The following NAV2 variants were observed in gnomAD, a reference collection of about 807,000 sequenced individuals.
NAV2 encodes the protein neuron navigator 2, also known as helicase, APC down-regulated 1.
In NAV2, 54 loss-of-function variants were observed where a neutral mutation model predicts 223.2. The observed-to-expected ratio is 0.24, with a 90% CI of 0.19 to 0.30. The LOEUF is 0.30. Ranked by LOEUF, NAV2 falls within the 10% of genes least tolerant of loss-of-function variation. The pLI is 1.00. For missense variants in NAV2, 2,806 were observed against 3,147.5 expected (o/e 0.89, Z 2.60); for synonymous variants, 1,279 against 1,239.3 (o/e 1.03, Z -0.67).
intron 1 of NAV2, among the ~76,000 whole-genome samples, chr11:19,686,794 A>T (rs1185925367): frequency 6.6e-6 from 1 of 152,212 alleles, no homozygotes; most frequent in Non-Finnish European, 1.5e-5. Context: ...TCTGGGTCTT[A>T]GTTTCCTCAC....
At chr11:19,597,821 G>C (rs576528766) in intron 1 of NAV2, among the ~76,000 whole-genome samples, 1 of 152,238 alleles carries the variant, frequency 6.6e-6, no homozygotes, top group Non-Finnish European at 1.5e-5. Context: ...AGAACTGCGA[G>C]TTTCACTGGG....
At chr11:19,633,341 G>T (rs2047398003) in intron 1 of NAV2, among the ~76,000 whole-genome samples, 1 of 152,258 alleles carries the variant, frequency 6.6e-6, no homozygotes, top group Admixed American at 6.5e-5. Flanking sequence ...AGACAGAGAG[G>T]GAGGTCCCTG....
intron 2 of NAV2, among the ~76,000 whole-genome samples, chr11:19,840,217 GT>G (rs2060437652): frequency 6.6e-6 from 1 of 152,088 alleles, no homozygotes; most frequent in East Asian, 1.9e-4. Flanking sequence ...CTTTAGAGTG[GT>G]TATATTTAGG....
intron 5 of NAV2, among the ~76,000 whole-genome samples, chr11:19,882,428 G>A (rs543912611): frequency 1.3e-5 from 2 of 152,324 alleles, no homozygotes; most frequent in South Asian, 2.1e-4. Flanking sequence ...AAGCCCAGGA[G>A]AGCAGGTATG....
intron 3 of NAV2, among the ~76,000 whole-genome samples, chr11:19,853,437 C>T (rs1309493678): frequency 2.0e-5 from 3 of 152,198 alleles, no homozygotes; most frequent in Admixed American, 2.0e-4. Context: ...CCACCTGCAG[C>T]CCAGGATGGC....
chr11:19,901,506 C>T (rs1380779819), intron 6 of NAV2, among the ~76,000 whole-genome samples: 6 of 152,198 alleles, frequency 3.9e-5, no homozygotes, highest in African/African-American at 1.2e-4. Flanking sequence ...GAGATCACAC[C>T]ACTGCACTTC....
chr11:20,114,532 CTG>C, intron 36 of NAV2, 58 bp from the exon 37 acceptor site: 2 of 1,531,980 alleles, frequency 1.3e-6, no homozygotes, highest in Non-Finnish European at 1.8e-6. Context: ...AGCTGCAAAA[CTG>C]GGGCTACGAG....
intron 1 of NAV2, among the ~76,000 whole-genome samples, chr11:19,556,127 T>C (rs1054024287): frequency 6.6e-5 from 10 of 152,210 alleles, no homozygotes; most frequent in African/African-American, 1.9e-4. Context: ...AAATGTTCAC[T>C]CTACCACTGC....
intron 1 of NAV2, among the ~76,000 whole-genome samples, chr11:19,805,157 A>G (rs1316021468): frequency 6.6e-6 from 1 of 152,198 alleles, no homozygotes; most frequent in Admixed American, 6.5e-5. Flanking sequence ...AGATTCTGAC[A>G]GGTCTTCCAA....
At chr11:19,351,651 G>A (rs1303926068) in intron 1 of NAV2, among the ~76,000 whole-genome samples, 1 of 152,106 alleles carries the variant, frequency 6.6e-6, no homozygotes, top group East Asian at 1.9e-4. Flanking sequence ...GTGGTTGGTT[G>A]TCTAGGAAGA....
At chr11:19,520,146 A>G (rs1472191605) in intron 1 of NAV2, among the ~76,000 whole-genome samples, 3 of 152,162 alleles carry the variant, frequency 2.0e-5, no homozygotes, top group Non-Finnish European at 4.4e-5. Context: ...ACTCTCCTCC[A>G]CGCTCAGGCA....
chr11:19,420,622 G>A (rs1850571278), intron 1 of NAV2, among the ~76,000 whole-genome samples: 1 of 152,170 alleles, frequency 6.6e-6, no homozygotes, highest in Non-Finnish European at 1.5e-5. Flanking sequence ...CAGACATAAT[G>A]TTGAACAAAA....
At chr11:20,064,523 G>C (rs1417739153) in intron 20 of NAV2, among the ~76,000 whole-genome samples, 2 of 152,172 alleles carry the variant, frequency 1.3e-5, no homozygotes, top group Non-Finnish European at 2.9e-5. Flanking sequence ...AGACTGGCCA[G>C]CATTATGCAG....
rs80007763 is a variant in NAV2 at position 19,385,907 on chromosome 11, G to A, written c.75+34880G>A. On this transcript the variant is annotated intron_variant, in intron 1 of 37. Coordinates refer to the NAV2 transcript ENST00000360655. ...CTCCCGAGTAGCTGGGACTACAGGC[G>A]CCCGCCACCATGCCTGGCTAATTTT... 3.9e-5 allele frequency among the ~76,000 whole-genome samples: 6 copies of A among 151,908 alleles called. No homozygotes were observed. In the East Asian group the frequency reaches 5.8e-4, roughly 15 times the overall value.
At chr11:19,778,752 C>G (rs2056496378) in intron 1 of NAV2, among the ~76,000 whole-genome samples, 1 of 152,172 alleles carries the variant, frequency 6.6e-6, no homozygotes, top group African/African-American at 2.4e-5. Flanking sequence ...TGCACCTTTG[C>G]TATACTATGT....
chr11:19,866,063 G>A (rs1037699223), intron 3 of NAV2, among the ~76,000 whole-genome samples: 2 of 152,188 alleles, frequency 1.3e-5, no homozygotes, highest in African/African-American at 2.4e-5. Context: ...TCTGTATCAC[G>A]TAATACTTGC....
At chr11:19,349,987 A>G (rs776828515), upstream of NAV2, among the ~76,000 whole-genome samples, 1 of 151,874 alleles carries the variant, frequency 6.6e-6, no homozygotes. Flanking sequence ...CCTGCCATAC[A>G]CTGCCTCCTG....
At chr11:19,348,855 G>A (rs193254543), upstream of NAV2, among the ~76,000 whole-genome samples, 2 of 152,272 alleles carry the variant, frequency 1.3e-5, no homozygotes, top group East Asian at 1.9e-4. Context: ...TTGAACCTAG[G>A]TCTGCCTGAG....
intron 26 of NAV2, 50 bp downstream of exon 26, chr11:20,083,229 C>T: frequency 6.6e-7 from 1 of 1,506,534 alleles, no homozygotes; most frequent in South Asian, 1.2e-5. Context: ...TGAGAACCTT[C>T]TCCAGTAGGA....
Sources: allele counts gnomAD v4.1 joint callset (sites outside exome capture counted in the v4.1 genomes callset), GRCh38; gene constraint gnomAD v4.1.1; transcripts MANE v1.5; gene names NCBI Gene and HGNC (gene_info 2026-07-23, HGNC 2026-07-21).